The following IDS variants were observed in gnomAD, a reference collection of about 807,000 sequenced individuals.
IDS encodes alpha-L-iduronate sulfate sulfatase.
IDS carries 1 observed loss-of-function variant against 33.5 expected under a neutral mutation model. That is an observed-to-expected ratio of 0.03 (90% confidence interval 0.01 to 0.14). The LOEUF (loss-of-function observed/expected upper bound fraction) is 0.14. Ranked by LOEUF, IDS falls within the 10% of genes least tolerant of loss-of-function variation. The probability of loss-of-function intolerance (pLI) is 1.00; values close to 1 mark genes in which losing one functional copy is unlikely to be tolerated. For synonymous variants in IDS, 191 were observed against 184.4 expected, an observed-to-expected ratio of 1.04 and a Z score of -0.29; for missense variants, 328 against 448.0, an observed-to-expected ratio of 0.73 and a Z score of 2.42.
chrX:149,480,614 G>T lies in IDS; in HGVS notation c.*2132C>A. On this transcript the variant is annotated 3_prime_UTR_variant, in exon 9 of 9. Transcript: ENST00000340855. ...TGTGCCTTGGCCTCCCAAGAAGCTG[G>T]GATTACAGGCATGCACCACCACACC... 3.6e-6 allele frequency: 1 copy of T among 274,652 alleles called. No individual in the cohort carries two copies. The allele number at this position is 274,652 out of a possible 1,213,427, so 22.6% of individuals were successfully genotyped here.
At chrX:149,503,732 C>T (rs150925047) in intron 2 of IDS, among the ~76,000 whole-genome samples, 321 of 112,238 alleles carry the variant, frequency 2.9e-3, no homozygotes, top group African/African-American at 0.01. Context: ...ACGCAATGGC[C>T]TCCCCAGGCA....
At position 149,483,230 on chromosome X, in the gene IDS, A is replaced by G; in HGVS notation, c.1181-12T>C. 4 of 1,176,728 alleles carry G rather than the reference A, an allele frequency of 3.4e-6. No individual in the cohort carries two copies. The highest frequency in any genetic ancestry group is 4.6e-6 in the Non-Finnish European group (4 of 864,284). On this transcript the variant is annotated splice_polypyrimidine_tract_variant and intron_variant, in intron 8 of 8. Coordinates refer to ENST00000340855, the MANE Select transcript of IDS (RefSeq NM_000202.8). ...CATGGATTGCCTGCCTGAAACAGGAAGCGACAGAGCAGAATGGGTTACATT... is the reference window on the plus strand; with the variant it reads ...CATGGATTGCCTGCCTGAAACAGGAGGCGACAGAGCAGAATGGGTTACATT...
rs782532273 is a variant in IDS at position 149,498,054 on chromosome X, AAAC to A, written c.708+50_708+52del. On this transcript the variant is annotated intron_variant, in intron 5 of 8. Transcript: ENST00000340855. ...TCCCTGTGCAAATCCCTCCCTCAAC[AAAC>A]AACACAGCTGTCACAGCTGTGCTGG... 144 of 1,092,857 alleles carry A rather than the reference AAAC, an allele frequency of 1.3e-4. No homozygotes were observed. In the African/African-American group the frequency reaches 2.3e-3, roughly 17 times the overall value. 90.1% of individuals were successfully genotyped at this position (1,092,857 alleles called of 1,213,427 possible).
intron 4 of IDS, 151 bp downstream of exon 4, chrX:149,500,798 C>G (rs1226739303): frequency 2.1e-6 from 1 of 487,139 alleles, no homozygotes; most frequent in African/African-American, 2.5e-5. Flanking sequence ...CTGAAGATCC[C>G]AACACTTACT....
chrX:149,486,474 A>T (rs1165314477), intron 8 of IDS, among the ~76,000 whole-genome samples: 1 of 111,639 alleles, frequency 9.0e-6, no homozygotes, highest in East Asian at 2.8e-4. Flanking sequence ...CTAGTGGTTC[A>T]CTAGATTGAT....
At chrX:149,484,539 C>G (rs782542137) in intron 8 of IDS, among the ~76,000 whole-genome samples, 1 of 112,630 alleles carries the variant, frequency 8.9e-6, no homozygotes, top group Non-Finnish European at 1.9e-5. Flanking sequence ...CCAGGATGGT[C>G]TTGATCTCCT....
chrX:149,483,173 G>A lies in IDS; in HGVS notation c.1226C>T (p.Thr409Met), dbSNP rs782543505. ...DLVELVSLFP[T>M]LAGLAGLQVP... is the part of the protein sequence containing the mutation. ...CTGCAGTCCTGCAAGTCCAGCCAGC[G>A]TGGGAAAAAGAGACACAAGTTCCAC... The change falls in exon 9 of 9, where the codon ACG (threonine) becomes ATG (methionine). Residue 409 changes from threonine (T) to methionine (M), a missense_variant. This residue lies in a region of IDS where 265 missense variants were observed against 339.2 expected (regional missense o/e 0.78). Transcript: ENST00000340855. 18 of 1,209,363 alleles carry A rather than the reference G, an allele frequency of 1.5e-5. No individual in the cohort carries two copies. The highest frequency in any genetic ancestry group is 8.9e-5 in the East Asian group (3 of 33,766).
At chrX:149,503,080 G>A in intron 3 of IDS, 1 of 1,109,481 alleles carries the variant, frequency 9.0e-7, no homozygotes, top group Non-Finnish European at 1.2e-6. Flanking sequence ...AGACCCAACA[G>A]CACACCCTCA....
chrX:149,487,954 A>G (rs1161567521), intron 7 of IDS, among the ~76,000 whole-genome samples: 1 of 89,446 alleles, frequency 1.1e-5, no homozygotes, highest in African/African-American at 4.3e-5. Flanking sequence ...TGGGGCTGCA[A>G]ATGATGTCCC....
chrX:149,503,062 G>A, intron 3 of IDS: 1 of 1,068,105 alleles, frequency 9.4e-7, no homozygotes, highest in South Asian at 2.4e-5. Context: ...ACCACCCGAG[G>A]AGCTGAAAGA....
intron 1 of IDS, 134 bp downstream of exon 1, chrX:149,504,901 G>C: frequency 4.2e-6 from 2 of 472,992 alleles, no homozygotes; most frequent in Non-Finnish European, 7.3e-6. Flanking sequence ...AACGAATGAT[G>C]GATGAAAGAA....
rs369782073 is a variant in IDS at position 149,503,579 on chromosome X, T to C, written c.241-90A>G. 3,155 of 1,065,315 alleles carry C rather than the reference T, an allele frequency of 3.0e-3. 14 individuals carry two copies. Among genetic ancestry groups the C allele is most frequent in the African/African-American group, 0.014 (743 of 53,855 alleles). The allele number at this position is 1,065,315 out of a possible 1,213,427, so 87.8% of individuals were successfully genotyped here. A position where few individuals can be genotyped will look rare whatever the true frequency, so the allele number is the denominator to read the frequency against. ...AACCAAGCAACCGCCCTCCCGAGGC[T>C]CCTAGCAAACAGCTTGGTAGCTGAG... On this transcript the variant is annotated intron_variant, in intron 2 of 8. Coordinates refer to ENST00000340855, the MANE Select transcript of IDS (RefSeq NM_000202.8).
At chrX:149,495,909 G>A (rs2089432499) in intron 6 of IDS, among the ~76,000 whole-genome samples, 1 of 112,489 alleles carries the variant, frequency 8.9e-6, no homozygotes, top group African/African-American at 3.2e-5. Flanking sequence ...CCCCCTGAGA[G>A]TGACAGCTAG....
At position 149,486,911 on chromosome X, in the gene IDS, A is replaced by G. The variant is rs1557338098; in HGVS notation, c.1180+14T>C. The G allele has an allele frequency of 8.3e-7, 1 of 1,206,912 alleles. No individual in the cohort carries two copies. Among genetic ancestry groups the G allele is most frequent in the Admixed American group, 2.2e-5 (1 of 46,099 alleles). On this transcript the variant is annotated intron_variant, in intron 8 of 8. Coordinates refer to ENST00000340855, the MANE Select transcript of IDS (RefSeq NM_000202.8). ...TCTTACTGTCAAGCAATATCATTTC[A>G]GCATATTTTATACCTGGCTCCATCA...
intron 7 of IDS, among the ~76,000 whole-genome samples, chrX:149,489,010 A>G (rs1291949994): frequency 4.5e-5 from 5 of 111,036 alleles, no homozygotes; most frequent in African/African-American, 1.6e-4. Context: ...AGTTGCAGAA[A>G]CCAGCATGTT....
chrX:149,502,414 T>C lies in IDS; in HGVS notation c.418+898A>G, dbSNP rs1205539145. Among the ~76,000 whole-genome samples the C allele has an allele frequency of 3.6e-5, 4 of 112,438 alleles. No individual in the cohort carries two copies. The East Asian group carries it at 8.4e-4, about 24-fold the overall frequency. On this transcript the variant is annotated intron_variant, in intron 3 of 8. Transcript: ENST00000340855. ...GAGAACACCAAACTGCAGAAAGTTC[T>C]CCTGACACTGGACTTTTGGCTGTGC...
rs782687860 is a variant in IDS, at chrX:149,481,316, T to C, written c.*1430A>G. On this transcript the variant is annotated 3_prime_UTR_variant, in exon 9 of 9. Coordinates refer to ENST00000340855, the MANE Select transcript of IDS (RefSeq NM_000202.8). ...GTCAGTCACTTAACTGCTTAGAAGA[T>C]CACCGTGTTACCATATAACCTCTAT... 8.9e-6 allele frequency: 1 copy of C among 112,517 alleles called. No individual in the cohort carries two copies. Among genetic ancestry groups the C allele is most frequent in the South Asian group, 3.7e-4 (1 of 2,719 alleles). 9.3% of individuals were successfully genotyped at this position (112,517 alleles called of 1,213,427 possible). A position where few individuals can be genotyped will look rare whatever the true frequency, so the allele number is the denominator to read the frequency against.
At chrX:149,487,148 A>G (rs782693259) in intron 7 of IDS, 50 bp from the exon 8 acceptor site, 1 of 1,210,231 alleles carries the variant, frequency 8.3e-7, no homozygotes, top group Non-Finnish European at 1.1e-6. Context: ...TCATCATACC[A>G]CAGCTTGTTT....
intron 7 of IDS, among the ~76,000 whole-genome samples, chrX:149,489,748 G>T (rs1658338932): frequency 1.8e-5 from 2 of 111,466 alleles, no homozygotes; most frequent in Admixed American, 1.9e-4. Flanking sequence ...GTGGGAAACG[G>T]GGGGAGCTGC....
Sources: gnomAD v4.1 joint callset for allele counts (sites outside exome capture counted in the v4.1 genomes callset) on GRCh38, gnomAD v4.1.1 for gene constraint, gnomAD v4.1.1 regional missense constraint, MANE v1.5 for transcripts, NCBI Gene and HGNC (gene_info 2026-07-23, HGNC 2026-07-21) for gene names.